Variants in DMAP1 observed in about 807,000 individuals in gnomAD.
The protein encoded by DMAP1 is DNA methyltransferase 1-associated protein 1.
Under a neutral mutation model 52.7 loss-of-function variants are expected in DMAP1, and 26 were observed. That is an observed-to-expected ratio of 0.49 (90% CI 0.36 to 0.68). The LOEUF is 0.68. DMAP1 is among the 30% of genes least tolerant of loss of function. The pLI is 0.00. For synonymous variants in DMAP1, 231 were observed against 246.0 expected (o/e 0.94, Z 0.57); for missense variants, 439 against 625.2 (o/e 0.70, Z 3.18).
rs1643725738 is a variant in DMAP1, at chr1:44,213,582, G to A, written c.-172G>A. The A allele has an allele frequency of 1.8e-6, 1 of 566,182 alleles. No homozygotes were observed. The highest frequency in any genetic ancestry group is 3.1e-5 in the East Asian group (1 of 31,788). The allele number at this position is 566,182 out of a possible 1,614,324, so 35.1% of individuals were successfully genotyped here. A position where few individuals can be genotyped will look rare whatever the true frequency, so the allele number is the denominator to read the frequency against. ...AAGGGGCCGTTAGGAACATCCAAGC[G>A]GTGGGGCACAGGCAGATCCCCGACC... On this transcript the variant is annotated 5_prime_UTR_variant, in exon 1 of 10. Transcript: ENST00000372289. This position sits in a 1 kb window ranked among gnomAD's most constrained non-coding sequence, Gnocchi z 4.5.
chr1:44,217,666 G>C (rs928863683), intron 3 of DMAP1: 14 of 163,408 alleles, frequency 8.6e-5, no homozygotes, highest in Non-Finnish European at 1.6e-4. Flanking sequence ...AGCTGGTTGT[G>C]GTCTTTAACT....
intron 9 of DMAP1, 55 bp downstream of exon 9, chr1:44,220,364 C>A (rs891752874): frequency 8.5e-6 from 13 of 1,521,256 alleles, no homozygotes; most frequent in African/African-American, 4.1e-5. Context: ...TGAGCACATG[C>A]ACATGGGTGT....
rs1311346764 is a variant in DMAP1, at chr1:44,218,699, C to T, written c.664C>T (p.His222Tyr). The change falls in exon 5 of 10, where the codon CAC (histidine) becomes TAC (tyrosine). Residue 222 changes from histidine to tyrosine, a missense_variant. Around this residue, in one of 3 missense-constraint regions of DMAP1, gnomAD observed 142 missense variants for 149.5 expected, o/e 0.95. Coordinates refer to ENST00000372289, the MANE Select transcript of DMAP1 (RefSeq NM_019100.5). This position sits in a 1 kb window ranked among gnomAD's most constrained non-coding sequence, Gnocchi z 5.6. ...TAAGATACCAGTATTTGATGCTGGGCACGAACGACGGCGGAAGGAACAGCT... is the reference window on the plus strand; with the variant it reads ...TAAGATACCAGTATTTGATGCTGGGTACGAACGACGGCGGAAGGAACAGCT... ...DLKIPVFDAG[H>Y]ERRRKEQLER... The T allele has an allele frequency of 1.9e-6, 3 of 1,613,706 alleles. No individual in the cohort carries two copies. The highest frequency in any genetic ancestry group is 2.7e-5 in the African/African-American group (2 of 74,880).
chr1:44,218,953 A>G lies in DMAP1; in HGVS notation c.721-103A>G. On this transcript the variant is annotated intron_variant, in intron 5 of 9. Transcript: ENST00000372289. The surrounding 1 kb of genome is among the most constrained non-coding windows in gnomAD (Gnocchi z 5.6). ...CCCTTCACCTCCCTCATGATCCATT[A>G]CTTCTCAGATTCCCTCACAGACAGC... The G allele has an allele frequency of 2.7e-6, 4 of 1,482,154 alleles. No homozygotes were observed. Among genetic ancestry groups the G allele is most frequent in the Non-Finnish European group, 3.7e-6 (4 of 1,088,054 alleles). 91.8% of individuals were successfully genotyped at this position (1,482,154 alleles called of 1,614,324 possible).
chr1:44,213,993 G>A lies in DMAP1; in HGVS notation c.105+135G>A, dbSNP rs371164925. ...AAAAGGGGTGACATAACAGGACAGG[G>A]AATATGTGTCATCCTTGATGGGAGG... On this transcript the variant is annotated intron_variant, in intron 1 of 9. Coordinates refer to ENST00000372289, the MANE Select transcript of DMAP1 (RefSeq NM_019100.5). This position sits in a 1 kb window ranked among gnomAD's most constrained non-coding sequence, Gnocchi z 4.5. 3.7e-6 allele frequency: 3 copies of A among 821,514 alleles called. No homozygotes were observed. Among genetic ancestry groups the A allele is most frequent in the South Asian group, 1.7e-5 (1 of 59,200 alleles). 50.9% of individuals were successfully genotyped at this position (821,514 alleles called of 1,614,324 possible). A position where few individuals can be genotyped will look rare whatever the true frequency, so the allele number is the denominator to read the frequency against.
rs766505833 is a variant in DMAP1 at position 44,219,231 on chromosome 1, C to A, written c.896C>A (p.Ala299Asp). Residue 299 changes from alanine to aspartate, a missense_variant, in exon 6 of 10, where the codon GCT (alanine) becomes GAT (aspartate). By Grantham distance (126) the Ala-to-Asp change is moderately radical (BLOSUM62 -2). Coordinates refer to ENST00000372289, the MANE Select transcript of DMAP1 (RefSeq NM_019100.5). ...AAGAAGCTACCCCAGAAAAAGGAGG[C>A]TGAGAAGCCGGTGCGGAGGTTCCGC... Reference protein sequence around the residue: ...PKKKLPQKKEAEKPAVPETAG... With the variant: ...PKKKLPQKKEDEKPAVPETAG... 1.2e-6 allele frequency: 2 copies of A among 1,613,144 alleles called. No homozygotes were observed.
chr1:44,214,687 T>TA lies in DMAP1; in HGVS notation c.198-13dup, dbSNP rs765326615. ...TTCTGATTCTAACCTCGCATCTCCCTAAACCTCCCTGCCAGGGATGCACCC... is the reference window on the plus strand; with the variant it reads ...TTCTGATTCTAACCTCGCATCTCCCTAAAACCTCCCTGCCAGGGATGCACCC... On this transcript the variant is annotated splice_polypyrimidine_tract_variant and intron_variant, in intron 2 of 9. Coordinates refer to ENST00000372289, the MANE Select transcript of DMAP1 (RefSeq NM_019100.5). 8 of 1,611,442 alleles carry TA rather than the reference T, an allele frequency of 5.0e-6. No homozygotes were observed. The African/African-American group carries it at 1.1e-4, about 22-fold the overall frequency.
At chr1:44,219,671 A>G (rs900603553) in intron 7 of DMAP1, 135 bp from the exon 8 acceptor site, 4 of 1,245,562 alleles carry the variant, frequency 3.2e-6, no homozygotes, top group South Asian at 2.8e-5. Flanking sequence ...CTTCCTGGCT[A>G]TTTCCTTTTC....
Position 44,218,933 on chromosome 1 carries a change from C to A in DMAP1, c.721-123C>A. The A allele has an allele frequency of 7.0e-7, 1 of 1,432,092 alleles. No individual in the cohort carries two copies. Among genetic ancestry groups the A allele is most frequent in the Non-Finnish European group, 9.5e-7 (1 of 1,049,052 alleles). The allele number at this position is 1,432,092 out of a possible 1,614,324, so 88.7% of individuals were successfully genotyped here. ...ATCCCCCCTGCTTTTCATAGCCCTT[C>A]ACCTCCCTCATGATCCATTACTTCT... On this transcript the variant is annotated intron_variant, in intron 5 of 9. Transcript: ENST00000372289. The surrounding 1 kb of genome is among the most constrained non-coding windows in gnomAD (Gnocchi z 5.6).
Position 44,214,443 on chromosome 1 carries a change from C to T in DMAP1, c.197+2C>T. On this transcript the variant is annotated splice_donor_variant, in intron 2 of 9. Coordinates refer to ENST00000372289, the MANE Select transcript of DMAP1 (RefSeq NM_019100.5). LOFTEE classifies it low-confidence loss of function (GC_TO_GT_DONOR). ...TGCCTTGCTCTACTCTGACAAGAAG[C>T]AAGTATTGGAGTCCCAAGTCCCCCA... The T allele has an allele frequency of 6.2e-7, 1 of 1,614,100 alleles. No individual in the cohort carries two copies. The highest frequency in any genetic ancestry group is 8.5e-7 in the Non-Finnish European group (1 of 1,179,984).
chr1:44,219,016 A>G, intron 5 of DMAP1, 40 bp from the exon 6 acceptor site: 1 of 1,608,424 alleles, frequency 6.2e-7, no homozygotes, highest in Non-Finnish European at 8.5e-7. Context: ...CCTCACTCCT[A>G]GAAGTGCCCT....
At position 44,213,679 on chromosome 1, in the gene DMAP1, C is replaced by A; in HGVS notation, c.-75C>A. The A allele has an allele frequency of 7.1e-7, 1 of 1,404,082 alleles. No homozygotes were observed. The highest frequency in any genetic ancestry group is 9.8e-7 in the Non-Finnish European group (1 of 1,017,874). The allele number at this position is 1,404,082 out of a possible 1,614,324, so 87.0% of individuals were successfully genotyped here. A position where few individuals can be genotyped will look rare whatever the true frequency, so the allele number is the denominator to read the frequency against. On this transcript the variant is annotated 5_prime_UTR_variant, in exon 1 of 10. Transcript: ENST00000372289. This position sits in a 1 kb window ranked among gnomAD's most constrained non-coding sequence, Gnocchi z 4.5. ...TCCGCTTAGGTCTGGATTGGCCCCG[C>A]CCCCTGACCTGAGCCTGGTCCTTCT...
At chr1:44,214,294 A>G in intron 1 of DMAP1, 56 bp from the exon 2 acceptor site, 3 of 1,549,052 alleles carry the variant, frequency 1.9e-6, no homozygotes, top group East Asian at 2.2e-5. Flanking sequence ...GCTGGACTAA[A>G]GAATTTTCAG....
At chr1:44,216,735 T>C (rs1395184142) in intron 3 of DMAP1, 1 of 152,248 alleles carries the variant, frequency 6.6e-6, no homozygotes, top group Non-Finnish European at 1.5e-5. Flanking sequence ...AAGTCTGCTA[T>C]GTTCTAGAAA....
chr1:44,219,577 G>C (rs2154314425), intron 7 of DMAP1, 100 bp downstream of exon 7: 2 of 1,301,872 alleles, frequency 1.5e-6, no homozygotes, highest in Non-Finnish European at 2.1e-6. Flanking sequence ...AGCAGTAGGA[G>C]AGATTGCTGC....
chr1:44,213,550 G>A lies in DMAP1; in HGVS notation c.-204G>A. ...CAGGTGCGGAAGTGCGAGGGCCCAG[G>A]TGGCTGAAGGGGCCGTTAGGAACAT... is the stretch of plus-strand genomic sequence containing the variant. On this transcript the variant is annotated 5_prime_UTR_variant, in exon 1 of 10. The change creates a new upstream start codon in the 5' untranslated region. Coordinates refer to ENST00000372289, the MANE Select transcript of DMAP1 (RefSeq NM_019100.5). This position sits in a 1 kb window ranked among gnomAD's most constrained non-coding sequence, Gnocchi z 4.5. The A allele has an allele frequency of 1.1e-5, 6 of 523,694 alleles. No homozygotes were observed. The South Asian group carries it at 1.5e-4, about 13-fold the overall frequency. 32.4% of individuals were successfully genotyped at this position (523,694 alleles called of 1,614,324 possible).
intron 3 of DMAP1, chr1:44,216,527 G>A (rs1430472120): frequency 6.6e-6 from 1 of 152,222 alleles, no homozygotes; most frequent in East Asian, 1.9e-4. Context: ...ACCGCACATG[G>A]CCCTGAGTTG....
In DMAP1 at chr1:44,218,377, A is replaced by G. The variant is rs1643836704; in HGVS notation, c.460A>G (p.Lys154Glu). The G allele has an allele frequency of 1.2e-6, 2 of 1,614,208 alleles. No homozygotes were observed. Among genetic ancestry groups the G allele is most frequent in the Admixed American group, 1.7e-5 (1 of 60,036 alleles). The change falls in exon 4 of 10, where the codon AAG (lysine) becomes GAG (glutamate). Residue 154 changes from lysine (K) to glutamate (E), a missense_variant. This residue lies in a region of DMAP1 where 142 missense variants were observed against 149.5 expected (regional missense o/e 0.95). Coordinates refer to ENST00000372289, the MANE Select transcript of DMAP1 (RefSeq NM_019100.5). The surrounding 1 kb of genome is among the most constrained non-coding windows in gnomAD (Gnocchi z 5.6). Reference protein sequence around the residue: ...QLYLHDDAWTKAETDHLFDLS... With the variant: ...QLYLHDDAWTEAETDHLFDLS... ...TTATCTCCACGATGATGCTTGGACTAAGGCAGAAACTGACCACCTCTTTGA... is the reference window on the plus strand; with the variant it reads ...TTATCTCCACGATGATGCTTGGACTGAGGCAGAAACTGACCACCTCTTTGA...
chr1:44,220,645 T>C lies in DMAP1; in HGVS notation c.*27T>C. Reference sequence around the variant, plus strand: ...AGGCCCCACGGGGTGTGGGCGACGCTGTTATGTAAATAGAGCTGCTGAGTT... The same window carrying C: ...AGGCCCCACGGGGTGTGGGCGACGCCGTTATGTAAATAGAGCTGCTGAGTT... On this transcript the variant is annotated 3_prime_UTR_variant, in exon 10 of 10. Coordinates refer to ENST00000372289, the MANE Select transcript of DMAP1 (RefSeq NM_019100.5). 6.2e-7 allele frequency: 1 copy of C among 1,614,016 alleles called. No homozygotes were observed. Among genetic ancestry groups the C allele is most frequent in the Non-Finnish European group, 8.5e-7 (1 of 1,179,910 alleles).
Sources: gnomAD v4.1 joint callset for allele counts on GRCh38, gnomAD v4.1.1 for gene constraint, gnomAD v4.1.1 regional missense constraint, Gnocchi (gnomAD v3.1) non-coding constraint, MANE v1.5 for transcripts, NCBI Gene and HGNC (gene_info 2026-07-23, HGNC 2026-07-21) for gene names.